Variants in ITSN2 observed in about 807,000 individuals in gnomAD.
The protein encoded by ITSN2 is intersectin-2.
Under a neutral mutation model 243.7 loss-of-function variants are expected in ITSN2, and 156 were observed. That is an observed-to-expected ratio of 0.64 (90% CI 0.56 to 0.73). ITSN2 has a LOEUF of 0.73. Ranked by LOEUF, ITSN2 falls within the 30% of genes least tolerant of loss-of-function variation. The pLI is 0.00. For missense variants in ITSN2, 1,801 were observed against 1,996.1 expected, an observed-to-expected ratio of 0.90 and a Z score of 1.86; for synonymous variants, 703 against 699.9, an observed-to-expected ratio of 1.00 and a Z score of -0.07.
intron 7 of ITSN2, among the ~76,000 whole-genome samples, chr2:24,309,220 G>C (rs1360563933): frequency 6.6e-6 from 1 of 152,196 alleles, no homozygotes; most frequent in Non-Finnish European, 1.5e-5. Flanking sequence ...AGGAGACAGA[G>C]TCTCGCTCTG....
In ITSN2 at chr2:24,211,959, C is replaced by T. The variant is rs1669530626; in HGVS notation, c.4089+691G>A. Among the ~76,000 whole-genome samples the T allele has an allele frequency of 6.6e-6, 1 of 152,148 alleles. No homozygotes were observed. The highest frequency in any genetic ancestry group is 2.4e-5 in the African/African-American group (1 of 41,438). ...ATGTTGAGGTCACACAGCTAACAGA[C>T]CAAAAGTCAAGGAATCATCAATAGA... On this transcript the variant is annotated intron_variant, in intron 33 of 39. Coordinates refer to ENST00000355123, the MANE Select transcript of ITSN2 (RefSeq NM_006277.3). This position sits in a 1 kb window ranked among gnomAD's most constrained non-coding sequence, Gnocchi z 4.1.
intron 30 of ITSN2, among the ~76,000 whole-genome samples, chr2:24,219,767 A>G (rs1670276228): frequency 6.6e-6 from 1 of 152,200 alleles, no homozygotes; most frequent in African/African-American, 2.4e-5. Flanking sequence ...ACCTACTTAC[A>G]GTGCCTTAGG....
At chr2:24,218,118 A>C in intron 30 of ITSN2, 105 bp from the exon 31 acceptor site, 2 of 709,490 alleles carry the variant, frequency 2.8e-6, no homozygotes, top group East Asian at 5.1e-5. Flanking sequence ...AATCAGATCA[A>C]ATAATGTCAA....
chr2:24,317,744 A>C (rs911485156), intron 2 of ITSN2, among the ~76,000 whole-genome samples: 2 of 152,240 alleles, frequency 1.3e-5, no homozygotes, highest in African/African-American at 4.8e-5. Context: ...GTATGGGCCC[A>C]GCCTCTGATT....
At chr2:24,220,413 C>T in intron 30 of ITSN2, 7 of 985,420 alleles carry the variant, frequency 7.1e-6, no homozygotes, top group Non-Finnish European at 8.4e-6. Flanking sequence ...GTAGAGGTCA[C>T]TGGTATAAAC....
chr2:24,315,988 G>A (rs1225070016), intron 2 of ITSN2, among the ~76,000 whole-genome samples: 3 of 152,266 alleles, frequency 2.0e-5, no homozygotes, highest in South Asian at 2.1e-4. Flanking sequence ...AAGCACCAAG[G>A]ATGAGATAAC....
At chr2:24,236,275 A>G (rs527899183) in intron 29 of ITSN2, among the ~76,000 whole-genome samples, 1 of 152,290 alleles carries the variant, frequency 6.6e-6, no homozygotes, top group Admixed American at 6.5e-5. Flanking sequence ...GATTCCATAC[A>G]TATGAAATGT....
chr2:24,313,585 C>A (rs1683529920), intron 3 of ITSN2, 62 bp from the exon 4 acceptor site: 2 of 1,159,132 alleles, frequency 1.7e-6, no homozygotes. Flanking sequence ...TCCAATGCTT[C>A]TGAATAATAA....
chr2:24,247,441 C>T (rs1174143886), intron 27 of ITSN2, among the ~76,000 whole-genome samples: 1 of 152,150 alleles, frequency 6.6e-6, no homozygotes, highest in Non-Finnish European at 1.5e-5. Flanking sequence ...TAAACTGCAA[C>T]ATGAGTGTAA....
At chr2:24,326,275 CTTT>C (rs972863656) in intron 2 of ITSN2, among the ~76,000 whole-genome samples, 7 of 151,998 alleles carry the variant, frequency 4.6e-5, no homozygotes, top group Non-Finnish European at 8.8e-5. Flanking sequence ...CATAATCATT[CTTT>C]TGTTATTGAA....
At chr2:24,241,250 A>G (rs530942016) in intron 29 of ITSN2, 1 of 152,356 alleles carries the variant, frequency 6.6e-6, no homozygotes, top group Non-Finnish European at 1.5e-5. Flanking sequence ...ACAGGTAACA[A>G]TGAACTCTGA....
intron 1 of ITSN2, among the ~76,000 whole-genome samples, chr2:24,356,858 G>A (rs1054833203): frequency 2.6e-5 from 4 of 151,284 alleles, no homozygotes; most frequent in Admixed American, 1.3e-4. Flanking sequence ...AGTTGGGATC[G>A]CGCCATTGCA....
intron 32 of ITSN2, among the ~76,000 whole-genome samples, chr2:24,215,354 G>T (rs1188051160): frequency 6.6e-6 from 1 of 151,980 alleles, no homozygotes; most frequent in East Asian, 1.9e-4. Context: ...TTATCTTGTT[G>T]CATTTTATAT....
At chr2:24,283,153 AC>A (rs1329911936) in intron 17 of ITSN2, among the ~76,000 whole-genome samples, 1 of 151,838 alleles carries the variant, frequency 6.6e-6, no homozygotes, top group Non-Finnish European at 1.5e-5. Flanking sequence ...TCTGCTTATC[AC>A]TCAAGTGAAA....
intron 22 of ITSN2, among the ~76,000 whole-genome samples, chr2:24,260,831 G>C (rs1675749375): frequency 6.7e-6 from 1 of 148,976 alleles, no homozygotes; most frequent in African/African-American, 2.5e-5. Context: ...TTCAACCAGG[G>C]AGCCGGAGGT....
chr2:24,334,785 C>T (rs574047354), intron 1 of ITSN2: 46 of 1,456,350 alleles, frequency 3.2e-5, no homozygotes, highest in Middle Eastern at 3.9e-4. Flanking sequence ...AAGCATTGGC[C>T]GGGCGCGGTG....
At chr2:24,272,808 C>T (rs1677533928) in intron 18 of ITSN2, among the ~76,000 whole-genome samples, 1 of 152,122 alleles carries the variant, frequency 6.6e-6, no homozygotes, top group South Asian at 2.1e-4. Flanking sequence ...TCTCTAGGTC[C>T]ACGTGCTTTG....
At chr2:24,301,104 G>T in intron 11 of ITSN2, 50 bp downstream of exon 11, 1 of 949,530 alleles carries the variant, frequency 1.1e-6, no homozygotes, top group Non-Finnish European at 1.6e-6. Context: ...TTTAAAGGTA[G>T]AATTTAAAAG....
chr2:24,212,316 G>A (rs1309472331), intron 33 of ITSN2, among the ~76,000 whole-genome samples: 3 of 152,128 alleles, frequency 2.0e-5, no homozygotes, highest in Admixed American at 6.5e-5. Flanking sequence ...GGTTCAAGAT[G>A]GGCTCCACAA....
Sources: allele counts gnomAD v4.1 joint callset (sites outside exome capture counted in the v4.1 genomes callset), GRCh38; gene constraint gnomAD v4.1.1; non-coding constraint Gnocchi (gnomAD v3.1); transcripts MANE v1.5; gene names NCBI Gene and HGNC (gene_info 2026-07-23, HGNC 2026-07-21).